KCNQ3: variants seen among roughly 807,000 people sequenced by gnomAD.
The protein encoded by KCNQ3 is potassium voltage-gated channel subfamily Q member 3.
A neutral mutation model predicts 92.5 loss-of-function variants in KCNQ3; 30 were observed. The ratio of observed to expected loss-of-function variants is 0.32; its 90% CI spans 0.24 to 0.44. The LOEUF is 0.44. KCNQ3 is among the 20% of genes least tolerant of loss of function. The pLI is 1.00. For missense variants in KCNQ3, 913 were observed against 1,140.3 expected, an observed-to-expected ratio of 0.80 and a Z score of 2.87; for synonymous variants, 450 against 468.8, an observed-to-expected ratio of 0.96 and a Z score of 0.52.
intron 1 of KCNQ3, among the ~76,000 whole-genome samples, chr8:132,425,186 A>G (rs1054517877): frequency 6.6e-6 from 1 of 152,246 alleles, no homozygotes; most frequent in Non-Finnish European, 1.5e-5. Flanking sequence ...CAATACATAT[A>G]GTCTCAGGAG....
At chr8:132,162,365 C>T (rs773348886) in intron 9 of KCNQ3, among the ~76,000 whole-genome samples, 1 of 152,284 alleles carries the variant, frequency 6.6e-6, no homozygotes. Context: ...AAGCAAAGAA[C>T]ACCCTGTTGG....
rs1378383108 is a variant in KCNQ3 at position 132,136,006 on chromosome 8, C to T, written c.1701-1618G>A. ...TGGTGGCACACGCCTCTAGTCCCAGCTACTTGGGAAGTTGAGGCAGGAGAA... is the reference window on the plus strand; with the variant it reads ...TGGTGGCACACGCCTCTAGTCCCAGTTACTTGGGAAGTTGAGGCAGGAGAA... On this transcript the variant is annotated intron_variant, in intron 12 of 14. Transcript: ENST00000388996. 1.1e-4 allele frequency among the ~76,000 whole-genome samples: 16 copies of T among 148,618 alleles called. No homozygotes were observed. The South Asian group carries it at 3.4e-3, about 32-fold the overall frequency.
At chr8:132,135,789 G>A (rs910877258) in intron 12 of KCNQ3, among the ~76,000 whole-genome samples, 2 of 151,946 alleles carry the variant, frequency 1.3e-5, no homozygotes, top group Admixed American at 6.6e-5. Flanking sequence ...CTGACTCTGT[G>A]CCTGCCACTA....
intron 1 of KCNQ3, among the ~76,000 whole-genome samples, chr8:132,318,690 T>C (rs1319665203): frequency 6.6e-6 from 1 of 152,192 alleles, no homozygotes; most frequent in Non-Finnish European, 1.5e-5. Flanking sequence ...GTGCCGGTCC[T>C]GAAAAGGAGT....
At chr8:132,371,618 A>G (rs1413072003) in intron 1 of KCNQ3, among the ~76,000 whole-genome samples, 1 of 152,180 alleles carries the variant, frequency 6.6e-6, no homozygotes, top group Non-Finnish European at 1.5e-5. Context: ...GCTCTGTTAT[A>G]AGTGGGGACA....
chr8:132,247,706 G>A (rs1314946341), intron 1 of KCNQ3, among the ~76,000 whole-genome samples: 1 of 151,896 alleles, frequency 6.6e-6, no homozygotes, highest in East Asian at 1.9e-4. Flanking sequence ...GCTGAGGCAG[G>A]AGAATCGCTT....
intron 1 of KCNQ3, among the ~76,000 whole-genome samples, chr8:132,234,648 TAAGTATTCGC>T (rs1814753366): frequency 6.6e-6 from 1 of 152,110 alleles, no homozygotes; most frequent in Non-Finnish European, 1.5e-5. Flanking sequence ...ACACACGAGG[TAAGTATTCGC>T]AGTCCCATTT....
At chr8:132,349,980 A>G (rs1218305200) in intron 1 of KCNQ3, among the ~76,000 whole-genome samples, 1 of 152,244 alleles carries the variant, frequency 6.6e-6, no homozygotes, top group Non-Finnish European at 1.5e-5. Flanking sequence ...ATCAAGCGAG[A>G]TCATGCTTCA....
intron 8 of KCNQ3, among the ~76,000 whole-genome samples, chr8:132,169,938 A>G (rs1320780215): frequency 2.0e-5 from 3 of 152,014 alleles, no homozygotes; most frequent in African/African-American, 7.3e-5. Context: ...CTGTAGCACA[A>G]TCTCTGGTCA....
At chr8:132,251,813 A>G (rs1013882017) in intron 1 of KCNQ3, among the ~76,000 whole-genome samples, 13 of 152,354 alleles carry the variant, frequency 8.5e-5, no homozygotes, top group African/African-American at 2.4e-4. Flanking sequence ...CCTGTGGGCT[A>G]GTGACAAGCA....
chr8:132,228,458 CCA>C (rs1473495478), intron 1 of KCNQ3, among the ~76,000 whole-genome samples: 3 of 152,064 alleles, frequency 2.0e-5, no homozygotes, highest in Non-Finnish European at 2.9e-5. Flanking sequence ...AAGAAACAAT[CCA>C]CAGTCCCTGC....
intron 1 of KCNQ3, among the ~76,000 whole-genome samples, chr8:132,230,991 G>T (rs1235060967): frequency 6.6e-6 from 1 of 152,110 alleles, no homozygotes; most frequent in East Asian, 1.9e-4. Context: ...TGATATGACT[G>T]GTGTCCTTAT....
rs376647616 is a variant in KCNQ3 at position 132,141,610 on chromosome 8, C to T, written c.1263-279G>A. The stretch of plus-strand genomic sequence containing the variant: ...TACATGAGGTGCCCGCTATAAATTG[C>T]CTAGCTCATCCTAGTATGCTGCAGA... On this transcript the variant is annotated intron_variant, in intron 9 of 14. Transcript: ENST00000388996. Among the ~76,000 whole-genome samples the T allele has an allele frequency of 3.5e-4, 54 of 152,278 alleles. No homozygotes were observed. The South Asian group carries it at 0.011, about 31-fold the overall frequency.
chr8:132,220,963 C>T (rs1034133147), intron 1 of KCNQ3, among the ~76,000 whole-genome samples: 1 of 152,068 alleles, frequency 6.6e-6, no homozygotes, highest in Non-Finnish European at 1.5e-5. Flanking sequence ...TGATCCCTCC[C>T]CCTGCTCTCC....
intron 2 of KCNQ3, among the ~76,000 whole-genome samples, chr8:132,184,607 A>G (rs1826903127): frequency 6.6e-6 from 1 of 152,150 alleles, no homozygotes; most frequent in African/African-American, 2.4e-5. Flanking sequence ...TAATGCTGTT[A>G]AACCTGGCAC....
At position 132,303,657 on chromosome 8, in the gene KCNQ3, G is replaced by GGTGTGT. The variant is rs370335527; in HGVS notation, c.387-117482_387-117477dup. Among the ~76,000 whole-genome samples, 19 of 66,374 alleles carry GGTGTGT rather than the reference G, an allele frequency of 2.9e-4. 1 individual carries two copies. The highest frequency in any genetic ancestry group is 1.8e-3 in the South Asian group (3 of 1,666). The allele number at this position is 66,374 out of a possible 152,430, so 43.5% of individuals were successfully genotyped here. ...GGTGTATATATATATATATATTTATGGTGTGTGTGTATATATATATACACA... is the reference window on the plus strand; with the variant it reads ...GGTGTATATATATATATATATTTATGGTGTGTGTGTGTGTGTATATATATATACACA... On this transcript the variant is annotated intron_variant, in intron 1 of 14. Transcript: ENST00000388996.
chr8:132,286,754 C>T (rs1816689605), intron 1 of KCNQ3, among the ~76,000 whole-genome samples: 1 of 152,144 alleles, frequency 6.6e-6, no homozygotes, highest in Non-Finnish European at 1.5e-5. Context: ...GCCACTGTGA[C>T]AATGTTGGGA....
At chr8:132,350,782 T>A (rs1365878831) in intron 1 of KCNQ3, among the ~76,000 whole-genome samples, 3 of 152,220 alleles carry the variant, frequency 2.0e-5, no homozygotes, top group African/African-American at 7.2e-5. Context: ...GAGGAAATGT[T>A]ACCAAACCCT....
At chr8:132,278,144 T>C (rs1184999422) in intron 1 of KCNQ3, 1 of 985,210 alleles carries the variant, frequency 1.0e-6, no homozygotes, top group Non-Finnish European at 1.2e-6. Flanking sequence ...AGAATCCCCA[T>C]TTTGTACTCT....
Sources: allele counts gnomAD v4.1 joint callset (sites outside exome capture counted in the v4.1 genomes callset), GRCh38; gene constraint gnomAD v4.1.1; transcripts MANE v1.5; gene names NCBI Gene and HGNC (gene_info 2026-07-23, HGNC 2026-07-21).